The following TARBP2 variants were observed in gnomAD, a reference collection of about 807,000 sequenced individuals.
TARBP2 encodes RISC-loading complex subunit TARBP2.
TARBP2 carries 23 observed loss-of-function variants against 40.4 expected under a neutral mutation model. That is an observed-to-expected ratio of 0.57 (90% CI 0.41 to 0.81). The LOEUF is 0.81. Ranked by LOEUF, TARBP2 falls within the 30% of genes least tolerant of loss-of-function variation. The pLI is 0.00. For missense variants in TARBP2, 358 were observed against 473.7 expected (o/e 0.76, Z 2.27); for synonymous variants, 183 against 190.5 (o/e 0.96, Z 0.32).
At position 53,505,043 on chromosome 12, in the gene TARBP2, A is replaced by T. The variant is rs1943907567; in HGVS notation, c.614-92A>T. On this transcript the variant is annotated intron_variant, in intron 6 of 8. Transcript: ENST00000266987. This position sits in a 1 kb window ranked among gnomAD's most constrained non-coding sequence, Gnocchi z 4.5. ...TCTTGAGTTCCCCTTTCCAGTTGAC[A>T]TTCTGGGGGGACCCTCAATCCAAGT... is the stretch of plus-strand genomic sequence containing the variant. The T allele has an allele frequency of 1.3e-6, 2 of 1,531,460 alleles. No individual in the cohort carries two copies. The highest frequency in any genetic ancestry group is 4.6e-5 in the East Asian group (2 of 43,936). 94.9% of individuals were successfully genotyped at this position (1,531,460 alleles called of 1,614,324 possible).
Position 53,505,314 on chromosome 12 carries a change from A to C in TARBP2, c.741+52A>C, listed in dbSNP as rs529588378. Reference sequence around the variant, plus strand: ...CGTGGCCCATCCTCCATGCCAGGGCAGGGCTCCAGGGACTTGGGTCTGTGA... The same window carrying C: ...CGTGGCCCATCCTCCATGCCAGGGCCGGGCTCCAGGGACTTGGGTCTGTGA... On this transcript the variant is annotated intron_variant, in intron 7 of 8. Coordinates refer to ENST00000266987, the MANE Select transcript of TARBP2 (RefSeq NM_134323.2). This position sits in a 1 kb window ranked among gnomAD's most constrained non-coding sequence, Gnocchi z 4.5. 2.6e-6 allele frequency: 4 copies of C among 1,538,208 alleles called. No homozygotes were observed. The South Asian group carries it at 5.0e-5, about 19-fold the overall frequency.
At chr12:53,501,505 GCCGTGCGGAGGGAGTAGCGGCGCGGCC>G in intron 1 of TARBP2, 44 bp downstream of exon 1, 1 of 1,552,558 alleles carries the variant, frequency 6.4e-7, no homozygotes, top group Non-Finnish European at 8.7e-7. Flanking sequence ...AAAGCGTGGG[GCCGTGCGGAGGGAGTAGCGGCGCGGCC>G]CCAGCATGCA....
intron 1 of TARBP2, 97 bp downstream of exon 1, chr12:53,501,558 G>T (rs772158735): frequency 6.6e-7 from 1 of 1,525,332 alleles, no homozygotes; most frequent in Non-Finnish European, 8.8e-7. Context: ...CCTGAGGGTT[G>T]TTCCCGGCAA....
chr12:53,504,404 C>A lies in TARBP2; in HGVS notation c.430C>A (p.Pro144Thr). 1.3e-6 allele frequency: 2 copies of A among 1,565,708 alleles called. No homozygotes were observed. The highest frequency in any genetic ancestry group is 2.4e-5 in the South Asian group (2 of 82,028). Residue 144 changes from proline to threonine, a missense_variant, in exon 5 of 9, where the codon CCC (proline) becomes ACC (threonine). Pro to Thr is a conservative substitution (Grantham distance 38). This residue lies in a region of TARBP2 where 317 missense variants were observed against 422.9 expected (regional missense o/e 0.75). Transcript: ENST00000266987. ...CTGTGCCTTTTCCTTCAGGAGCCCC[C>A]CCATGGAACTGCAGCCCCCTGTCTC... ...VPSVVLTRSPPMELQPPVSPQ... is the reference protein window; with the variant it reads ...VPSVVLTRSPTMELQPPVSPQ...
chr12:53,500,952 G>A (rs976572287), upstream of TARBP2: 1 of 165,012 alleles, frequency 6.1e-6, no homozygotes, highest in Non-Finnish European at 1.3e-5. Flanking sequence ...ATGGCGCGCG[G>A]GCTCTTGGGT....
Position 53,501,351 on chromosome 12 carries a change from T to C in TARBP2, c.-58T>C. 6.5e-7 allele frequency: 1 copy of C among 1,540,490 alleles called. No homozygotes were observed. Among genetic ancestry groups the C allele is most frequent in the South Asian group, 1.2e-5 (1 of 83,812 alleles). ...GGCCCCGGCCCTAGCTCGTCGGCTG[T>C]GTATTGGGGCGCGTGGAGGCTGCAG... On this transcript the variant is annotated 5_prime_UTR_variant, in exon 1 of 9. Coordinates refer to ENST00000266987, the MANE Select transcript of TARBP2 (RefSeq NM_134323.2).
At chr12:53,501,900 T>C (rs1021343721) in intron 1 of TARBP2, 115 bp from the exon 2 acceptor site, 7 of 1,475,628 alleles carry the variant, frequency 4.7e-6, no homozygotes, top group Non-Finnish European at 6.4e-6. Flanking sequence ...CTAGACTGTC[T>C]GGGGTTCCTT....
intron 5 of TARBP2, 102 bp from the exon 6 acceptor site, chr12:53,504,596 C>T (rs1253981518): frequency 1.2e-6 from 2 of 1,609,098 alleles, no homozygotes; most frequent in South Asian, 2.2e-5. Flanking sequence ...CCCCCTCTCT[C>T]CTTCCTCTCA....
Position 53,503,083 on chromosome 12 carries a change from C to T in TARBP2, c.280C>T (p.His94Tyr), listed in dbSNP as rs1478389003. Reference protein sequence around the residue: ...KHKAAEVALKHLKGGSMLEPA... With the variant: ...KHKAAEVALKYLKGGSMLEPA... ...CAAGGCAGCTGAGGTGGCCCTCAAACACCTCAAAGGGGGGAGCATGCTGGA... is the reference window on the plus strand; with the variant it reads ...CAAGGCAGCTGAGGTGGCCCTCAAATACCTCAAAGGGGGGAGCATGCTGGA... Residue 94 changes from histidine (H) to tyrosine (Y), a missense_variant, in exon 3 of 9, where the codon CAC becomes TAC. By Grantham distance (83) the His-to-Tyr change is moderately conservative. Transcript: ENST00000266987. The T allele has an allele frequency of 5.8e-6, 9 of 1,550,898 alleles. No homozygotes were observed. Among genetic ancestry groups the T allele is most frequent in the African/African-American group, 1.4e-5 (1 of 73,024 alleles).
upstream of TARBP2, chr12:53,500,966 G>A (rs969993341): frequency 5.6e-6 from 1 of 177,080 alleles, no homozygotes; most frequent in Non-Finnish European, 1.2e-5. Flanking sequence ...CTTGGGTTCT[G>A]TAGTTTTCTC....
intron 6 of TARBP2, 137 bp downstream of exon 6, chr12:53,504,952 T>C: frequency 7.0e-7 from 1 of 1,431,768 alleles, no homozygotes; most frequent in Non-Finnish European, 9.6e-7. Context: ...CCCTTCCTTT[T>C]AGCTTCTTGG....
At chr12:53,503,838 G>A in intron 4 of TARBP2, 30 bp downstream of exon 4, 2 of 1,578,120 alleles carry the variant, frequency 1.3e-6, no homozygotes, top group Non-Finnish European at 1.7e-6. Context: ...GCCTGAGGTG[G>A]GTGGAGGAAG....
At chr12:53,502,412 C>T in intron 2 of TARBP2, 1 of 572,678 alleles carries the variant, frequency 1.7e-6, no homozygotes, top group Non-Finnish European at 3.1e-6. Flanking sequence ...TCTGGCAGAT[C>T]CCCATCACCC....
Position 53,501,343 on chromosome 12 carries a change from G to T in TARBP2, c.-66G>T. 6.5e-7 allele frequency: 1 copy of T among 1,540,008 alleles called. No homozygotes were observed. The highest frequency in any genetic ancestry group is 8.8e-7 in the Non-Finnish European group (1 of 1,138,342). On this transcript the variant is annotated 5_prime_UTR_variant, in exon 1 of 9. Transcript: ENST00000266987. ...CCGGGCTTGGCCCCGGCCCTAGCTC[G>T]TCGGCTGTGTATTGGGGCGCGTGGA...
upstream of TARBP2, chr12:53,501,202 G>A: frequency 1.7e-6 from 1 of 591,006 alleles, no homozygotes; most frequent in Non-Finnish European, 3.0e-6. Context: ...GGCGAGCCAC[G>A]CACGCAGAGG....
At position 53,503,421 on chromosome 12, in the gene TARBP2, C is replaced by T. The variant is rs1010297867; in HGVS notation, c.326+292C>T. 163 of 599,230 alleles carry T rather than the reference C, an allele frequency of 2.7e-4. 2 individuals carry two copies. The highest frequency in any genetic ancestry group is 9.1e-4 in the Middle Eastern group (2 of 2,206). 37.1% of individuals were successfully genotyped at this position (599,230 alleles called of 1,614,324 possible). A position where few individuals can be genotyped will look rare whatever the true frequency, so the allele number is the denominator to read the frequency against. ...TAAAGGGAGTTACTCCCCAACATAC[C>T]TCCTTGTTCTAGCAAGATGTCCTTC... On this transcript the variant is annotated intron_variant, in intron 3 of 8. Coordinates refer to ENST00000266987, the MANE Select transcript of TARBP2 (RefSeq NM_134323.2).
chr12:53,503,701 C>G lies in TARBP2; in HGVS notation c.327-12C>G. 6.2e-7 allele frequency: 1 copy of G among 1,607,164 alleles called. No individual in the cohort carries two copies. Among genetic ancestry groups the G allele is most frequent in the Non-Finnish European group, 8.5e-7 (1 of 1,173,634 alleles). On this transcript the variant is annotated splice_polypyrimidine_tract_variant and intron_variant, in intron 3 of 8. Transcript: ENST00000266987. ...ATGGGTGTGAATCAAAGGCCCCCTT[C>G]CCCTCGGGAAGTTCTTTTTCTCCCC...
At position 53,503,022 on chromosome 12, in the gene TARBP2, C is replaced by T. The variant is rs1405396541; in HGVS notation, c.224-5C>T. Reference sequence around the variant, plus strand: ...CTCCAGTATTGCCCATGCCCCCTCTCTCAGGTCAGGGCCCCAGCAAGAAGG... The same window carrying T: ...CTCCAGTATTGCCCATGCCCCCTCTTTCAGGTCAGGGCCCCAGCAAGAAGG... On this transcript the variant is annotated splice_region_variant and splice_polypyrimidine_tract_variant and intron_variant, in intron 2 of 8. Transcript: ENST00000266987. 3 of 1,548,470 alleles carry T rather than the reference C, an allele frequency of 1.9e-6. No individual in the cohort carries two copies. The highest frequency in any genetic ancestry group is 2.0e-5 in the Admixed American group (1 of 50,724).
chr12:53,503,663 C>T (rs1360554131), intron 3 of TARBP2, 50 bp from the exon 4 acceptor site: 1 of 1,398,668 alleles, frequency 7.1e-7, no homozygotes, highest in Non-Finnish European at 1.0e-6. Context: ...CCACCCCTCT[C>T]TTCCCCCTAT....
Sources: gnomAD v4.1 joint callset for allele counts on GRCh38, gnomAD v4.1.1 for gene constraint, gnomAD v4.1.1 regional missense constraint, Gnocchi (gnomAD v3.1) non-coding constraint, MANE v1.5 for transcripts, NCBI Gene and HGNC (gene_info 2026-07-23, HGNC 2026-07-21) for gene names.